The following SFRP1 variants were observed in gnomAD, a reference collection of about 807,000 sequenced individuals.
SFRP1 encodes secreted frizzled-related protein 1.
SFRP1 carries 9 observed loss-of-function variants against 25.9 expected under a neutral mutation model. The ratio of observed to expected loss-of-function variants is 0.35; its 90% CI spans 0.21 to 0.61. The LOEUF (loss-of-function observed/expected upper bound fraction) is 0.61. Ranked by LOEUF, SFRP1 falls within the 20% of genes least tolerant of loss-of-function variation. The pLI is 0.78. For synonymous variants in SFRP1, 178 were observed against 174.0 expected, an observed-to-expected ratio of 1.02 and a Z score of -0.18; for missense variants, 346 against 418.2, an observed-to-expected ratio of 0.83 and a Z score of 1.51.
chr8:41,290,249 G>A (rs1585515589), intron 2 of SFRP1, among the ~76,000 whole-genome samples: 1 of 152,174 alleles, frequency 6.6e-6, no homozygotes, highest in Non-Finnish European at 1.5e-5. Context: ...CGTGCACAGA[G>A]GCATAAACAC....
At position 41,304,340 on chromosome 8, in the gene SFRP1, A is replaced by G. The variant is rs79871745; in HGVS notation, c.545-802T>C. On this transcript the variant is annotated intron_variant, in intron 1 of 2. Coordinates refer to ENST00000220772, the MANE Select transcript of SFRP1 (RefSeq NM_003012.5). ...TGAAGTCAGAAAATCCAGTGGAGGT[A>G]AAGGACTCCAGCTTCCCAGGACAGA... Among the ~76,000 whole-genome samples, 1,313 of 152,310 alleles carry G rather than the reference A, an allele frequency of 8.6e-3. 16 individuals are homozygous for G. Among genetic ancestry groups the G allele is most frequent in the African/African-American group, 0.03 (1,236 of 41,578 alleles).
At chr8:41,282,150 G>A (rs4472502) in intron 2 of SFRP1, among the ~76,000 whole-genome samples, 24,573 of 152,184 alleles carry the variant, frequency 0.16, 3,476 homozygotes, top group East Asian at 0.37. Flanking sequence ...TGGTTTGCCT[G>A]CATGGCAAAG....
chr8:41,276,625 G>A (rs1016576290), intron 2 of SFRP1, among the ~76,000 whole-genome samples: 8 of 152,102 alleles, frequency 5.3e-5, no homozygotes, highest in African/African-American at 1.2e-4. Flanking sequence ...CAAGACATAC[G>A]TTACACACAA....
chr8:41,302,818 T>C (rs572339286), intron 2 of SFRP1, among the ~76,000 whole-genome samples: 45 of 149,378 alleles, frequency 3.0e-4, no homozygotes, highest in African/African-American at 1.1e-3. Context: ...CTCCTCCTTC[T>C]CCTGGAGCTG....
In SFRP1 at chr8:41,309,046, G is replaced by A. The variant is rs766118970; in HGVS notation, c.114C>T (p.Ser38=). The A allele has an allele frequency of 6.2e-7, 1 of 1,606,458 alleles. No individual in the cohort carries two copies. The highest frequency in any genetic ancestry group is 1.1e-5 in the South Asian group (1 of 91,034). Residue 38 remains serine, a synonymous_variant, in exon 1 of 3, where the codon AGC becomes AGT. Coordinates refer to ENST00000220772, the MANE Select transcript of SFRP1 (RefSeq NM_003012.5). ...VGSASEYDYV[S]FQSDIGPYQS... ...GGTACGGGCCGATGTCCGACTGGAA[G>A]CTCACGTAGTCGTACTCGCTGGCCG...
At chr8:41,307,643 G>C (rs1457070821) in intron 1 of SFRP1, among the ~76,000 whole-genome samples, 1 of 152,126 alleles carries the variant, frequency 6.6e-6, no homozygotes, top group Non-Finnish European at 1.5e-5. Flanking sequence ...AAGAATTCTG[G>C]GTTGAATTTA....
At chr8:41,272,600 C>A (rs1437897501) in intron 2 of SFRP1, among the ~76,000 whole-genome samples, 1 of 152,166 alleles carries the variant, frequency 6.6e-6, no homozygotes, top group Non-Finnish European at 1.5e-5. Context: ...CAGAGCCAGA[C>A]TGTCTCAAAA....
chr8:41,270,168 G>C (rs547145850), intron 2 of SFRP1, among the ~76,000 whole-genome samples: 1 of 152,270 alleles, frequency 6.6e-6, no homozygotes, highest in African/African-American at 2.4e-5. Flanking sequence ...GAAAAGAAGA[G>C]AGAAGCCATA....
At chr8:41,284,787 C>T (rs1282535277) in intron 2 of SFRP1, among the ~76,000 whole-genome samples, 4 of 152,202 alleles carry the variant, frequency 2.6e-5, no homozygotes, top group South Asian at 2.1e-4. Flanking sequence ...TGCTGGTAAG[C>T]GCAGGCAAGT....
intron 2 of SFRP1, among the ~76,000 whole-genome samples, chr8:41,275,785 C>T (rs910338366): frequency 6.8e-6 from 1 of 147,040 alleles, no homozygotes; most frequent in East Asian, 2.0e-4. Context: ...CTCACTTTGT[C>T]GCCCAGGCTG....
In SFRP1 at chr8:41,263,934, G is replaced by A. The variant is rs1315317626; in HGVS notation, c.*1233C>T. The A allele has an allele frequency of 1.3e-5, 2 of 152,232 alleles. No individual in the cohort carries two copies. The highest frequency in any genetic ancestry group is 1.9e-4 in the East Asian group (1 of 5,194). 9.4% of individuals were successfully genotyped at this position (152,232 alleles called of 1,614,324 possible). ...GATCCATAGGCAATCAAGTTCAAAG[G>A]AAATGTTTCTTTACAGGAAAGAAAA... On this transcript the variant is annotated 3_prime_UTR_variant, in exon 3 of 3. Coordinates refer to ENST00000220772, the MANE Select transcript of SFRP1 (RefSeq NM_003012.5).
At chr8:41,304,492 G>T (rs1164079864) in intron 1 of SFRP1, among the ~76,000 whole-genome samples, 3 of 152,024 alleles carry the variant, frequency 2.0e-5, no homozygotes, top group African/African-American at 7.2e-5. Flanking sequence ...CATTCTAGGG[G>T]CACCCCACCC....
chr8:41,307,052 G>C, intron 1 of SFRP1: 1 of 1,413,596 alleles, frequency 7.1e-7, no homozygotes, highest in South Asian at 1.5e-5. Context: ...GTCAGGGCTG[G>C]GCACAGCCTC....
intron 1 of SFRP1, among the ~76,000 whole-genome samples, chr8:41,304,027 G>A (rs1256252386): frequency 6.6e-6 from 1 of 152,112 alleles, no homozygotes; most frequent in Non-Finnish European, 1.5e-5. Context: ...AACTCAGCCA[G>A]ACTCACAAAC....
chr8:41,272,510 G>A lies in SFRP1; in HGVS notation c.623-7021C>T, dbSNP rs142970999. Among the ~76,000 whole-genome samples the A allele has an allele frequency of 7.5e-3, 1,148 of 152,324 alleles. 13 individuals are homozygous for A. Among genetic ancestry groups the A allele is most frequent in the African/African-American group, 0.027 (1,108 of 41,564 alleles). On this transcript the variant is annotated intron_variant, in intron 2 of 2. Transcript: ENST00000220772. ...TATAATTCCTGCTAATTGGGAGGGT[G>A]AGGTAGGAGAATTGCTTGAACTCAG... is the stretch of plus-strand genomic sequence containing the variant.
chr8:41,270,105 AG>A, intron 2 of SFRP1, among the ~76,000 whole-genome samples: 1 of 152,298 alleles, frequency 6.6e-6, no homozygotes, highest in South Asian at 2.1e-4. Context: ...ATAGGAGGCC[AG>A]GATCTGGAGT....
intron 2 of SFRP1, among the ~76,000 whole-genome samples, chr8:41,284,634 C>A (rs1029293972): frequency 2.6e-5 from 4 of 152,214 alleles, no homozygotes; most frequent in African/African-American, 9.6e-5. Flanking sequence ...GGGACCACAC[C>A]TGCTCACTCC....
At chr8:41,278,271 A>AT (rs746838382) in intron 2 of SFRP1, among the ~76,000 whole-genome samples, 13 of 152,200 alleles carry the variant, frequency 8.5e-5, no homozygotes, top group Non-Finnish European at 1.8e-4. Context: ...AAAAGCTTGG[A>AT]TAGCAAGAGG....
chr8:41,306,316 G>A (rs1355396285), intron 1 of SFRP1, among the ~76,000 whole-genome samples: 1 of 152,178 alleles, frequency 6.6e-6, no homozygotes, highest in African/African-American at 2.4e-5. Context: ...CTTTGAAAAT[G>A]CATTTTAATT....
Sources: allele counts gnomAD v4.1 joint callset (sites outside exome capture counted in the v4.1 genomes callset), GRCh38; gene constraint gnomAD v4.1.1; transcripts MANE v1.5; gene names NCBI Gene and HGNC (gene_info 2026-07-23, HGNC 2026-07-21).